The following XRCC4 variants were observed in gnomAD, a reference collection of about 807,000 sequenced individuals.
XRCC4 encodes DNA repair protein XRCC4.
XRCC4 carries 28 observed loss-of-function variants against 39.1 expected under a neutral mutation model. The ratio of observed to expected loss-of-function variants is 0.72; its 90% confidence interval spans 0.53 to 0.98. XRCC4 has a LOEUF of 0.98. Among genes scored for constraint, XRCC4 ranks in the 50% least tolerant of loss-of-function variants. The pLI, the probability that XRCC4 is intolerant of heterozygous loss-of-function variation, is 0.00. For missense variants in XRCC4, 350 were observed against 376.4 expected, an observed-to-expected ratio of 0.93 and a Z score of 0.58; for synonymous variants, 123 against 126.4, an observed-to-expected ratio of 0.97 and a Z score of 0.18.
At chr5:83,161,330 C>A (rs552651514) in intron 3 of XRCC4, among the ~76,000 whole-genome samples, 2 of 152,170 alleles carry the variant, frequency 1.3e-5, no homozygotes, top group South Asian at 4.1e-4. Context: ...CAGAGTTTCA[C>A]CTTGTTGGCC....
Position 83,199,775 on chromosome 5 carries a change from AT to A in XRCC4, c.483-3775del, listed in dbSNP as rs553977762. 1.9e-3 allele frequency among the ~76,000 whole-genome samples: 262 copies of A among 135,742 alleles called. 2 individuals are homozygous for A. The highest frequency in any genetic ancestry group is 3.6e-3 in the Middle Eastern group (1 of 276). The allele number at this position is 135,742 out of a possible 152,430, so 89.1% of individuals were successfully genotyped here. A position where few individuals can be genotyped will look rare whatever the true frequency, so the allele number is the denominator to read the frequency against. ...TTATCCTTTTAATTTTTTAAAAAAAATTACTATTTTTTTGTCCAAGGTTTTA... is the reference window on the plus strand; with the variant it reads ...TTATCCTTTTAATTTTTTAAAAAAAATACTATTTTTTTGTCCAAGGTTTTA... On this transcript the variant is annotated intron_variant, in intron 4 of 7. Transcript: ENST00000396027.
chr5:83,164,155 C>G (rs1749348961), intron 3 of XRCC4, among the ~76,000 whole-genome samples: 1 of 152,200 alleles, frequency 6.6e-6, no homozygotes, highest in African/African-American at 2.4e-5. Flanking sequence ...ATGACCTCTG[C>G]TATCTATATA....
intron 3 of XRCC4, among the ~76,000 whole-genome samples, chr5:83,143,082 C>A (rs1748262571): frequency 1.3e-5 from 2 of 152,116 alleles, no homozygotes; most frequent in Admixed American, 6.5e-5. Flanking sequence ...AAAATGATAA[C>A]CTTTTCCATA....
chr5:83,224,910 A>G (rs1465502150), intron 6 of XRCC4, among the ~76,000 whole-genome samples: 2 of 152,096 alleles, frequency 1.3e-5, no homozygotes, highest in Non-Finnish European at 2.9e-5. Flanking sequence ...TTCAACCATT[A>G]TTTTGAATTC....
At chr5:83,361,654 G>A in the XRCC4 span, among the ~76,000 whole-genome samples, 1 of 137,558 alleles carries the variant, frequency 7.3e-6, no homozygotes, top group Non-Finnish European at 1.6e-5. Context: ...ATAGAGTTTT[G>A]CTCTGTTGCC....
chr5:83,347,064 T>C (rs1756937616), intron 7 of XRCC4, among the ~76,000 whole-genome samples: 2 of 152,150 alleles, frequency 1.3e-5, no homozygotes, highest in South Asian at 4.1e-4. Flanking sequence ...TAAGGGCATT[T>C]AAAAATTGAA....
intron 7 of XRCC4, among the ~76,000 whole-genome samples, chr5:83,352,708 C>T (rs1193733645): frequency 6.6e-6 from 1 of 152,050 alleles, no homozygotes. Context: ...TTCATGTGAC[C>T]AAAACTTTCT....
chr5:83,276,711 T>C (rs1400997024), intron 7 of XRCC4, among the ~76,000 whole-genome samples: 1 of 152,218 alleles, frequency 6.6e-6, no homozygotes, highest in Non-Finnish European at 1.5e-5. Flanking sequence ...CTATTTAATA[T>C]ACCTAACCTA....
intron 3 of XRCC4, among the ~76,000 whole-genome samples, chr5:83,145,399 C>G (rs889444284): frequency 6.6e-6 from 1 of 152,152 alleles, no homozygotes; most frequent in Non-Finnish European, 1.5e-5. Flanking sequence ...TTAGACTCAT[C>G]TGAGGAGTAT....
At chr5:83,117,773 G>A (rs1289947445) in intron 3 of XRCC4, among the ~76,000 whole-genome samples, 1 of 151,710 alleles carries the variant, frequency 6.6e-6, no homozygotes, top group Non-Finnish European at 1.5e-5. Flanking sequence ...GGATACATGT[G>A]CAGGATGTGT....
At chr5:83,213,105 T>C (rs1341431914) in intron 6 of XRCC4, among the ~76,000 whole-genome samples, 3 of 152,008 alleles carry the variant, frequency 2.0e-5, no homozygotes, top group African/African-American at 7.2e-5. Context: ...TTTACAAAAT[T>C]CTGAAAGAAC....
intron 7 of XRCC4, among the ~76,000 whole-genome samples, chr5:83,288,701 T>A (rs1024506400): frequency 6.6e-6 from 1 of 151,866 alleles, no homozygotes; most frequent in Non-Finnish European, 1.5e-5. Flanking sequence ...TCTGGCTTCT[T>A]TCAACATTTT....
chr5:83,329,542 A>C (rs1375412147), intron 7 of XRCC4, among the ~76,000 whole-genome samples: 1 of 152,160 alleles, frequency 6.6e-6, no homozygotes, highest in Non-Finnish European at 1.5e-5. Flanking sequence ...TCCATAAAAC[A>C]CTTATTAATT....
chr5:83,193,410 A>T (rs1017010724), intron 3 of XRCC4, among the ~76,000 whole-genome samples: 3 of 152,196 alleles, frequency 2.0e-5, no homozygotes, highest in African/African-American at 7.2e-5. Flanking sequence ...GGTGACAATA[A>T]TTAGAAAATA....
intron 6 of XRCC4, among the ~76,000 whole-genome samples, chr5:83,257,254 C>T (rs956709128): frequency 5.3e-5 from 8 of 151,838 alleles, no homozygotes; most frequent in Non-Finnish European, 8.8e-5. Flanking sequence ...TATTCAAAAT[C>T]GACTCAGTTT....
intron 1 of XRCC4, among the ~76,000 whole-genome samples, chr5:83,099,686 G>A (rs1745835557): frequency 6.6e-6 from 1 of 152,172 alleles, no homozygotes; most frequent in South Asian, 2.1e-4. Flanking sequence ...GGACCCAACT[G>A]TTTCCACCTG....
At chr5:83,155,978 G>T (rs921549425) in intron 3 of XRCC4, among the ~76,000 whole-genome samples, 2 of 151,788 alleles carry the variant, frequency 1.3e-5, no homozygotes, top group Non-Finnish European at 2.9e-5. Flanking sequence ...CTCAAGCCTG[G>T]TACCAGTTCT....
chr5:83,339,965 C>A (rs1397290753), intron 7 of XRCC4, among the ~76,000 whole-genome samples: 2 of 152,042 alleles, frequency 1.3e-5, no homozygotes, highest in Admixed American at 1.3e-4. Context: ...AGTCTCTGAC[C>A]CACAATAGAC....
chr5:83,373,713 A>AT, the XRCC4 span, among the ~76,000 whole-genome samples: 63 of 151,952 alleles, frequency 4.1e-4, no homozygotes, highest in South Asian at 7.9e-3. Flanking sequence ...CTTTTTCTCT[A>AT]TTTTTTTTAA....
Sources: allele counts gnomAD v4.1 joint callset (sites outside exome capture counted in the v4.1 genomes callset), GRCh38; gene constraint gnomAD v4.1.1; transcripts MANE v1.5; gene names NCBI Gene and HGNC (gene_info 2026-07-23, HGNC 2026-07-21).